Variants in RNF157 observed in about 807,000 individuals in gnomAD.
RNF157 encodes the protein E3 ubiquitin ligase RNF157.
Under a neutral mutation model 88.3 loss-of-function variants are expected in RNF157, and 55 were observed. The observed-to-expected ratio is 0.62, with a 90% CI of 0.50 to 0.78. The LOEUF (loss-of-function observed/expected upper bound fraction) is 0.78. Among genes scored for constraint, RNF157 ranks in the 30% least tolerant of loss-of-function variants. RNF157 has a pLI of 0.00. For synonymous variants in RNF157, 334 were observed against 341.2 expected (o/e 0.98, Z 0.23); for missense variants, 788 against 860.8 (o/e 0.92, Z 1.06).
Position 76,146,479 on chromosome 17 carries a change from T to C in RNF157, c.1922-1126A>G. The C allele has an allele frequency of 1.2e-5, 12 of 985,728 alleles. No individual in the cohort carries two copies. The highest frequency in any genetic ancestry group is 1.4e-5 in the Non-Finnish European group (12 of 830,166). 61.1% of individuals were successfully genotyped at this position (985,728 alleles called of 1,614,324 possible). A position where few individuals can be genotyped will look rare whatever the true frequency, so the allele number is the denominator to read the frequency against. ...CCCTCCAGTGAGGCTAGGGCGCTCC[T>C]GCCTTGGGCCTCGGCTGCCTCCACT... On this transcript the variant is annotated intron_variant, in intron 18 of 18. Coordinates refer to ENST00000269391, the MANE Select transcript of RNF157 (RefSeq NM_052916.3). The surrounding 1 kb of genome is among the most constrained non-coding windows in gnomAD (Gnocchi z 4.2).
At chr17:76,162,244 A>G in intron 9 of RNF157, 1 of 582,440 alleles carries the variant, frequency 1.7e-6, no homozygotes, top group African/African-American at 1.9e-5. Context: ...TAAGGCCCAG[A>G]GCTGGGCCTC....
intron 3 of RNF157, among the ~76,000 whole-genome samples, chr17:76,168,425 C>T (rs2068961772): frequency 6.8e-6 from 1 of 145,994 alleles, no homozygotes; most frequent in Non-Finnish European, 1.5e-5. Context: ...TAGTGCTCAT[C>T]CTATTTTTTT....
At chr17:76,155,061 G>C (rs1267007144) in intron 16 of RNF157, among the ~76,000 whole-genome samples, 191 bp downstream of exon 16, 2 of 152,206 alleles carry the variant, frequency 1.3e-5, no homozygotes, top group African/African-American at 4.8e-5. Flanking sequence ...CCACTCACTG[G>C]ACAGTCCACA....
intron 2 of RNF157, among the ~76,000 whole-genome samples, chr17:76,185,475 C>CTTTTTTTTTTTTTTTTTTTTTT (rs71161271): frequency 1.4e-5 from 2 of 141,904 alleles, no homozygotes. Flanking sequence ...TTAGTCCTTT[C>CTTTTTTTTTTTTTTTTTTTTTT]TTTTTTTTTT....
chr17:76,166,351 G>C (rs1329529050), intron 6 of RNF157, 110 bp downstream of exon 6: 1 of 888,388 alleles, frequency 1.1e-6, no homozygotes, highest in Admixed American at 1.9e-5. Context: ...CTGACTCACA[G>C]TCACAAACAC....
intron 1 of RNF157, among the ~76,000 whole-genome samples, chr17:76,216,895 AAAAAC>A (rs2069898653): frequency 6.6e-6 from 1 of 151,810 alleles, no homozygotes; most frequent in African/African-American, 2.4e-5. Flanking sequence ...TGTGTCAAAA[AAAAAC>A]AAAAACAAAA....
intron 2 of RNF157, among the ~76,000 whole-genome samples, chr17:76,209,575 G>A (rs941089861): frequency 6.6e-6 from 1 of 151,480 alleles, no homozygotes; most frequent in African/African-American, 2.4e-5. Context: ...TTCCAATGTG[G>A]CCCAGGGAAC....
At chr17:76,169,848 T>C (rs1326011979) in intron 3 of RNF157, among the ~76,000 whole-genome samples, 1 of 152,248 alleles carries the variant, frequency 6.6e-6, no homozygotes, top group South Asian at 2.1e-4. Flanking sequence ...CCCAAAGTGC[T>C]GGGATTATAG....
At position 76,176,068 on chromosome 17, in the gene RNF157, C is replaced by T. The variant is rs34250119; in HGVS notation, c.208-2278G>A. On this transcript the variant is annotated intron_variant, in intron 2 of 18. Coordinates refer to ENST00000269391, the MANE Select transcript of RNF157 (RefSeq NM_052916.3). The surrounding 1 kb of genome is among the most constrained non-coding windows in gnomAD (Gnocchi z 4.2). The stretch of plus-strand genomic sequence containing the variant: ...AAGCTTGTTCGTGGGCTGCTACCCA[C>T]CAAAGTTTGTGCCTTGCTGGCCTTG... 0.014 allele frequency among the ~76,000 whole-genome samples: 2,192 copies of T among 152,284 alleles called. 24 individuals are homozygous for T. The highest frequency in any genetic ancestry group is 0.022 in the Non-Finnish European group (1,530 of 68,028).
At chr17:76,216,876 G>A (rs1333606010) in intron 1 of RNF157, among the ~76,000 whole-genome samples, 2 of 151,460 alleles carry the variant, frequency 1.3e-5, no homozygotes, top group Admixed American at 1.3e-4. Flanking sequence ...GGGTAAAAGA[G>A]CAAGACCCTG....
At chr17:76,166,957 C>T in intron 5 of RNF157, 52 bp downstream of exon 5, 1 of 1,281,920 alleles carries the variant, frequency 7.8e-7, no homozygotes, top group Non-Finnish European at 1.1e-6. Context: ...TCCTAAGTAG[C>T]CCCTAGGCCC....
chr17:76,235,580 A>G (rs1177681662), intron 1 of RNF157, among the ~76,000 whole-genome samples: 2 of 152,208 alleles, frequency 1.3e-5, no homozygotes, highest in East Asian at 3.8e-4. Flanking sequence ...TTACATTAAA[A>G]CTTTTATAGT....
intron 2 of RNF157, among the ~76,000 whole-genome samples, chr17:76,180,427 A>G (rs941339359): frequency 2.6e-4 from 39 of 152,218 alleles, no homozygotes; most frequent in African/African-American, 8.7e-4. Context: ...AGCCCCTTTC[A>G]TGGGGTAAAA....
chr17:76,147,097 G>A (rs1398991127), intron 18 of RNF157: 1 of 985,136 alleles, frequency 1.0e-6, no homozygotes, highest in Admixed American at 6.2e-5. Flanking sequence ...CTGGGGGTGG[G>A]TACTGGAGCC....
rs1298153789 is a variant in RNF157 at position 76,182,838 on chromosome 17, ATATATAG to A, written c.208-9055_208-9049del. Among the ~76,000 whole-genome samples the A allele has an allele frequency of 1.2e-3, 102 of 87,432 alleles. 1 individual carries two copies. Among genetic ancestry groups the A allele is most frequent in the African/African-American group, 4.3e-3 (84 of 19,526 alleles). 57.4% of individuals were successfully genotyped at this position (87,432 alleles called of 152,430 possible). ...ATATATCCTATATATCCTATATATG[ATATATAG>A]GATATATAGGATATATATATCCTAT... On this transcript the variant is annotated intron_variant, in intron 2 of 18. Coordinates refer to ENST00000269391, the MANE Select transcript of RNF157 (RefSeq NM_052916.3).
intron 1 of RNF157, among the ~76,000 whole-genome samples, chr17:76,230,943 T>A (rs1017347608): frequency 1.7e-4 from 25 of 151,300 alleles, no homozygotes; most frequent in African/African-American, 6.1e-4. Flanking sequence ...ATCTTTTTTT[T>A]TTTTTCTTTT....
intron 2 of RNF157, among the ~76,000 whole-genome samples, chr17:76,201,813 T>C (rs892936312): frequency 2.6e-5 from 4 of 152,176 alleles, no homozygotes; most frequent in Non-Finnish European, 4.4e-5. Flanking sequence ...GTTCATGGCA[T>C]AGGCACATTA....
chr17:76,175,079 G>A (rs948586577), intron 2 of RNF157, among the ~76,000 whole-genome samples: 2 of 152,066 alleles, frequency 1.3e-5, no homozygotes, highest in Non-Finnish European at 2.9e-5. Flanking sequence ...CCATCCGTCC[G>A]TCTATCCATC....
At chr17:76,214,111 C>G (rs2069848586) in intron 1 of RNF157, among the ~76,000 whole-genome samples, 2 of 152,158 alleles carry the variant, frequency 1.3e-5, no homozygotes, top group Non-Finnish European at 2.9e-5. Context: ...ACAGGTAAAA[C>G]AACCTGGGGC....
Sources: allele counts gnomAD v4.1 joint callset (sites outside exome capture counted in the v4.1 genomes callset), GRCh38; gene constraint gnomAD v4.1.1; non-coding constraint Gnocchi (gnomAD v3.1); transcripts MANE v1.5; gene names NCBI Gene and HGNC (gene_info 2026-07-23, HGNC 2026-07-21).